The following SYNE1 variants were observed in gnomAD, a reference collection of about 807,000 sequenced individuals.
SYNE1 encodes the protein nesprin-1.
A neutral mutation model predicts 1,111.0 loss-of-function variants in SYNE1; 616 were observed. The ratio of observed to expected loss-of-function variants is 0.55; its 90% confidence interval spans 0.52 to 0.59. The LOEUF (loss-of-function observed/expected upper bound fraction) is 0.59. SYNE1 is among the 20% of genes least tolerant of loss of function. The probability of loss-of-function intolerance (pLI) is 0.00; values close to 1 mark genes in which losing one functional copy is unlikely to be tolerated. For missense variants in SYNE1, 10,006 were observed against 10,417.0 expected (o/e 0.96, Z 1.72); for synonymous variants, 3,855 against 3,825.8 (o/e 1.01, Z -0.28).
chr6:152,249,323 A>T, intron 104 of SYNE1, 61 bp from the exon 105 acceptor site: 1 of 918,012 alleles, frequency 1.1e-6, no homozygotes. Context: ...AATACTTGTA[A>T]ATATAACACA....
intron 104 of SYNE1, among the ~76,000 whole-genome samples, chr6:152,254,315 A>G (rs2090308737): frequency 7.9e-6 from 1 of 126,378 alleles, no homozygotes; most frequent in Admixed American, 1.0e-4. Context: ...GCAGTGGTGC[A>G]ATCTCAGTTC....
At chr6:152,139,101 T>G (rs1464384573) in intron 140 of SYNE1, among the ~76,000 whole-genome samples, 1 of 152,184 alleles carries the variant, frequency 6.6e-6, no homozygotes, top group Non-Finnish European at 1.5e-5. Context: ...TATAGGCCTG[T>G]AGGAGCCAGG....
At chr6:152,290,437 A>C (rs2094547313) in intron 95 of SYNE1, among the ~76,000 whole-genome samples, 1 of 152,152 alleles carries the variant, frequency 6.6e-6, no homozygotes, top group African/African-American at 2.4e-5. Flanking sequence ...AGCACCTGTA[A>C]TTCCAGCTAC....
Position 152,385,676 on chromosome 6 carries a change from T to C in SYNE1, c.8650A>G (p.Lys2884Glu), listed in dbSNP as rs760623796. The C allele has an allele frequency of 6.2e-6, 10 of 1,614,094 alleles. No individual in the cohort carries two copies. The South Asian group carries it at 1.1e-4, about 18-fold the overall frequency. ...ATAGCATCTGTTCATTTCCTGACCT[T>C]AATTTTTGATAACTTTTTCTGGGTG... is the stretch of plus-strand genomic sequence containing the variant. ...SATQKKLSKI[K>E]ELIDSREIGA... is the part of the protein sequence containing the mutation. The change falls in exon 55 of 146, where the codon AAG (lysine) becomes GAG (glutamate). Residue 2884 changes from lysine to glutamate, a missense_variant and splice_region_variant. This residue lies in a region of SYNE1 where 4,955 missense variants were observed against 5,017.2 expected (regional missense o/e 0.99). Coordinates refer to ENST00000367255, the MANE Select transcript of SYNE1 (RefSeq NM_182961.4).
chr6:152,221,284 T>G, intron 118 of SYNE1, 142 bp downstream of exon 118: 1 of 1,197,964 alleles, frequency 8.3e-7, no homozygotes, highest in Non-Finnish European at 1.2e-6. Flanking sequence ...CATTTATTTA[T>G]CCTTAAATTC....
chr6:152,431,177 C>A (rs492233), intron 34 of SYNE1, among the ~76,000 whole-genome samples: 67,086 of 152,084 alleles, frequency 0.44, 16,251 homozygotes, highest in East Asian at 0.75. Flanking sequence ...TAACTGCACA[C>A]CTACCTAAAA....
chr6:152,221,066 C>G lies in SYNE1; in HGVS notation c.21657-20G>C, dbSNP rs369177487. On this transcript the variant is annotated intron_variant, in intron 118 of 145. Coordinates refer to ENST00000367255, the MANE Select transcript of SYNE1 (RefSeq NM_182961.4). The stretch of plus-strand genomic sequence containing the variant: ...TTCCATCTGGAAATAATAACCAACA[C>G]TCATGAGCAGATTACCACCTCTCAC... The G allele has an allele frequency of 5.6e-5, 90 of 1,613,134 alleles. No homozygotes were observed. The highest frequency in any genetic ancestry group is 7.0e-5 in the Non-Finnish European group (83 of 1,179,368).
intron 92 of SYNE1, among the ~76,000 whole-genome samples, chr6:152,301,423 G>T (rs980724987): frequency 6.6e-6 from 1 of 152,170 alleles, no homozygotes; most frequent in Non-Finnish European, 1.5e-5. Context: ...AACAATAGCT[G>T]TTCTTCTAAA....
In SYNE1 at chr6:152,308,535, GC is replaced by G; in HGVS notation, c.17299del (p.Ala5767ProfsTer32). ...AHREIEDKPV[A>X]TSNIQELQAQ... ...CTGCAGCTCCTGTATGTTACTGGTG[GC>G]AACAGGTTTATCCTCAATCTCTCTG... On this transcript the variant is annotated frameshift_variant, in exon 91 of 146. Coordinates refer to ENST00000367255, the MANE Select transcript of SYNE1 (RefSeq NM_182961.4). LOFTEE classifies it high-confidence loss of function. 1 of 1,613,828 alleles carries G rather than the reference GC, an allele frequency of 6.2e-7. No individual in the cohort carries two copies. Among genetic ancestry groups the G allele is most frequent in the Non-Finnish European group, 8.5e-7 (1 of 1,179,976 alleles).
chr6:152,438,905 G>A (rs1009561721), intron 32 of SYNE1, among the ~76,000 whole-genome samples: 16 of 152,146 alleles, frequency 1.1e-4, no homozygotes, highest in South Asian at 2.1e-4. Context: ...AAAAAATAAC[G>A]TAGTGACTAA....
In SYNE1 at chr6:152,510,180, T is replaced by G. The variant is rs1313924456; in HGVS notation, c.581+13A>C. The G allele has an allele frequency of 9.3e-6, 15 of 1,613,506 alleles. No homozygotes were observed. The highest frequency in any genetic ancestry group is 1.3e-5 in the Non-Finnish European group (15 of 1,179,626). On this transcript the variant is annotated intron_variant, in intron 8 of 145. Transcript: ENST00000367255. ...TTAACGGTTTCAAATTTAGACAAACTCTTGATACTTACTTGCCAGCTGTGT... is the reference window on the plus strand; with the variant it reads ...TTAACGGTTTCAAATTTAGACAAACGCTTGATACTTACTTGCCAGCTGTGT...
chr6:152,451,528 G>T (rs1465494349), intron 25 of SYNE1, among the ~76,000 whole-genome samples: 1 of 143,010 alleles, frequency 7.0e-6, no homozygotes, highest in African/African-American at 2.7e-5. Context: ...TGTCGCCCAG[G>T]GTGGAGTACA....
chr6:152,397,365 A>T (rs1364370106), intron 49 of SYNE1, among the ~76,000 whole-genome samples: 1 of 152,084 alleles, frequency 6.6e-6, no homozygotes, highest in Admixed American at 6.6e-5. Context: ...CGAAATCCTC[A>T]GGCCCTTTCT....
At chr6:152,147,330 G>A (rs1243684630) in intron 137 of SYNE1, 1 of 152,198 alleles carries the variant, frequency 6.6e-6, no homozygotes, top group African/African-American at 2.4e-5. Context: ...TCTCCCTGTG[G>A]TATCCAGAAA....
chr6:152,529,642 T>C (rs2099186360), intron 4 of SYNE1, among the ~76,000 whole-genome samples: 1 of 152,170 alleles, frequency 6.6e-6, no homozygotes, highest in East Asian at 1.9e-4. Context: ...CAGATTATAA[T>C]CAGCAAAGCA....
At chr6:152,442,721 G>A (rs2098543240) in intron 30 of SYNE1, among the ~76,000 whole-genome samples, 1 of 152,212 alleles carries the variant, frequency 6.6e-6, no homozygotes, top group Non-Finnish European at 1.5e-5. Flanking sequence ...CAAAGCTAGA[G>A]GACTGTTTGG....
intron 21 of SYNE1, 110 bp from the exon 22 acceptor site, chr6:152,459,040 G>T: frequency 1.1e-6 from 1 of 945,620 alleles, no homozygotes; most frequent in Non-Finnish European, 1.7e-6. Flanking sequence ...ATCATTTGGT[G>T]CTTACAAATA....
intron 141 of SYNE1, 126 bp downstream of exon 141, chr6:152,136,492 C>G (rs2057106863): frequency 2.6e-6 from 3 of 1,150,284 alleles, no homozygotes; most frequent in Non-Finnish European, 3.8e-6. Flanking sequence ...ACAAGGTTAT[C>G]TCACTGAAAT....
At chr6:152,171,654 G>C (rs1179724358) in intron 130 of SYNE1, among the ~76,000 whole-genome samples, 1 of 152,164 alleles carries the variant, frequency 6.6e-6, no homozygotes, top group Non-Finnish European at 1.5e-5. Context: ...AGAGAGAATA[G>C]AAAGGAAGAG....
Sources: allele counts gnomAD v4.1 joint callset (sites outside exome capture counted in the v4.1 genomes callset), GRCh38; gene constraint gnomAD v4.1.1; regional missense constraint gnomAD v4.1.1; transcripts MANE v1.5; gene names NCBI Gene and HGNC (gene_info 2026-07-23, HGNC 2026-07-21).